Variants in CRYBG3 observed in about 807,000 individuals in gnomAD.
The protein encoded by CRYBG3 is crystallin beta-gamma domain containing 3.
In CRYBG3, 127 loss-of-function variants were observed where a neutral mutation model predicts 244.2. That is an observed-to-expected ratio of 0.52 (90% CI 0.45 to 0.60). The LOEUF (loss-of-function observed/expected upper bound fraction) is 0.60. CRYBG3 is among the 20% of genes least tolerant of loss of function. The probability of loss-of-function intolerance (pLI) is 0.00; values close to 1 mark genes in which losing one functional copy is unlikely to be tolerated. For missense variants in CRYBG3, 3,325 were observed against 3,442.5 expected, an observed-to-expected ratio of 0.97 and a Z score of 0.85; for synonymous variants, 1,132 against 1,195.8, an observed-to-expected ratio of 0.95 and a Z score of 1.10.
chr3:97,921,789 T>C (rs1471795953), intron 17 of CRYBG3, among the ~76,000 whole-genome samples: 1 of 152,182 alleles, frequency 6.6e-6, no homozygotes, highest in African/African-American at 2.4e-5. Flanking sequence ...GACTATTGCA[T>C]AAAACATTTA....
At chr3:97,906,454 C>T (rs1409455398) in intron 15 of CRYBG3, among the ~76,000 whole-genome samples, 1 of 116,640 alleles carries the variant, frequency 8.6e-6, no homozygotes, top group Non-Finnish European at 1.8e-5. Flanking sequence ...TTGAAGAGGT[C>T]CTTCACATCC....
At chr3:97,835,886 A>G (rs1034262420) in intron 1 of CRYBG3, among the ~76,000 whole-genome samples, 7 of 152,150 alleles carry the variant, frequency 4.6e-5, no homozygotes, top group African/African-American at 1.7e-4. Flanking sequence ...CGAGGGATTC[A>G]GGGTATTGAA....
chr3:97,878,761 CA>C (rs921865431), intron 4 of CRYBG3, among the ~76,000 whole-genome samples: 1 of 152,216 alleles, frequency 6.6e-6, no homozygotes, highest in Admixed American at 6.5e-5. Flanking sequence ...CGCACTACAA[CA>C]ACTCATGTTG....
intron 1 of CRYBG3, among the ~76,000 whole-genome samples, chr3:97,824,674 T>G (rs376405270): frequency 9.2e-5 from 14 of 152,372 alleles, no homozygotes; most frequent in African/African-American, 3.4e-4. Flanking sequence ...GAAGGCCTAT[T>G]AGCATCAACA....
At chr3:97,880,167 C>CT (rs893936145) in intron 6 of CRYBG3, 67 bp downstream of exon 6, 38 of 781,312 alleles carry the variant, frequency 4.9e-5, no homozygotes, top group East Asian at 1.6e-4. Context: ...GCTGTTAATG[C>CT]TTTTTTTTCT....
intron 1 of CRYBG3, among the ~76,000 whole-genome samples, chr3:97,828,742 C>A (rs2038611129): frequency 6.7e-6 from 1 of 149,870 alleles, no homozygotes. Context: ...GCAGGAGAAT[C>A]TCTTGAACCT....
chr3:97,833,103 A>C (rs542945419), intron 1 of CRYBG3, among the ~76,000 whole-genome samples: 1 of 152,332 alleles, frequency 6.6e-6, no homozygotes, highest in African/African-American at 2.4e-5. Context: ...GAATGCTTTT[A>C]CAATGTTGGT....
At chr3:97,919,101 G>T (rs1256476372) in intron 17 of CRYBG3, among the ~76,000 whole-genome samples, 1 of 152,148 alleles carries the variant, frequency 6.6e-6, no homozygotes, top group Non-Finnish European at 1.5e-5. Flanking sequence ...ATGAAAGGAG[G>T]TGAAATTTTA....
chr3:97,859,638 A>G (rs2039117338), intron 2 of CRYBG3, among the ~76,000 whole-genome samples: 1 of 152,166 alleles, frequency 6.6e-6, no homozygotes, highest in African/African-American at 2.4e-5. Flanking sequence ...TTGGAGCTGC[A>G]TTCCCCAGAA....
chr3:97,931,851 AT>A (rs1422576042), intron 17 of CRYBG3, among the ~76,000 whole-genome samples: 1 of 151,778 alleles, frequency 6.6e-6, no homozygotes, highest in Non-Finnish European at 1.5e-5. Flanking sequence ...GTCTGGGTCT[AT>A]TTTTCTCTGA....
intron 7 of CRYBG3, among the ~76,000 whole-genome samples, chr3:97,886,189 G>A (rs2039504998): frequency 6.6e-6 from 1 of 152,062 alleles, no homozygotes; most frequent in Admixed American, 6.6e-5. Context: ...ACTGAAGAGG[G>A]TACTGCTTCT....
chr3:97,838,227 C>T (rs564391896), intron 1 of CRYBG3, among the ~76,000 whole-genome samples: 2 of 152,206 alleles, frequency 1.3e-5, no homozygotes, highest in East Asian at 1.9e-4. Flanking sequence ...CTTTGCTGAA[C>T]GGCAGTGTTG....
At chr3:97,868,715 A>G (rs4857067) in intron 3 of CRYBG3, among the ~76,000 whole-genome samples, 67,539 of 151,946 alleles carry the variant, frequency 0.44, 16,224 homozygotes, top group East Asian at 0.67. Flanking sequence ...AGGTATTATT[A>G]TAGTGAGTTG....
chr3:97,911,931 G>A (rs2039877232), intron 15 of CRYBG3, among the ~76,000 whole-genome samples: 1 of 152,126 alleles, frequency 6.6e-6, no homozygotes, highest in South Asian at 2.1e-4. Flanking sequence ...CAATTTGGTG[G>A]AAGAGAGGCA....
intron 1 of CRYBG3, chr3:97,837,026 T>C (rs2038744040): frequency 6.6e-6 from 1 of 152,150 alleles, no homozygotes. Context: ...AGTTGTAAAA[T>C]CAGATCCAAA....
intron 17 of CRYBG3, among the ~76,000 whole-genome samples, chr3:97,921,674 T>C (rs1405801457): frequency 6.6e-6 from 1 of 152,166 alleles, no homozygotes; most frequent in Non-Finnish European, 1.5e-5. Context: ...ATGAAATGCT[T>C]TAAAGTCAGA....
At chr3:97,914,076 C>T (rs2039901614) in intron 16 of CRYBG3, among the ~76,000 whole-genome samples, 1 of 152,082 alleles carries the variant, frequency 6.6e-6, no homozygotes, top group South Asian at 2.1e-4. Flanking sequence ...TTCTGTTCAC[C>T]TTCTTGATTA....
At chr3:97,856,978 T>C (rs2039074799) in intron 2 of CRYBG3, among the ~76,000 whole-genome samples, 1 of 152,146 alleles carries the variant, frequency 6.6e-6, no homozygotes, top group African/African-American at 2.4e-5. Flanking sequence ...TGAGGTGTAC[T>C]GTTAGGTTGT....
intron 15 of CRYBG3, 21 bp downstream of exon 15, chr3:97,900,506 G>A (rs781573549): frequency 2.1e-6 from 3 of 1,460,200 alleles, no homozygotes; most frequent in African/African-American, 2.8e-5. Flanking sequence ...AAATATTCTT[G>A]TAATTGTTAA....
Sources: gnomAD v4.1 joint callset for allele counts (sites outside exome capture counted in the v4.1 genomes callset) on GRCh38, gnomAD v4.1.1 for gene constraint, MANE v1.5 for transcripts, NCBI Gene and HGNC (gene_info 2026-07-23, HGNC 2026-07-21) for gene names.